ERC2: variants seen among roughly 807,000 people sequenced by gnomAD.
The protein encoded by ERC2 is ELKS/RAB6-interacting/CAST family member 2.
Under a neutral mutation model 114.8 loss-of-function variants are expected in ERC2, and 42 were observed. The ratio of observed to expected loss-of-function variants is 0.37; its 90% CI spans 0.29 to 0.47. The LOEUF (loss-of-function observed/expected upper bound fraction) is 0.47, where lower values mean the gene tolerates loss of function less well. Among genes scored for constraint, ERC2 ranks in the 20% least tolerant of loss-of-function variants. ERC2 has a pLI of 0.99. For synonymous variants in ERC2, 454 were observed against 425.5 expected (o/e 1.07, Z -0.82); for missense variants, 939 against 1,150.7 (o/e 0.82, Z 2.66).
chr3:55,902,647 C>T (rs1000132571), intron 13 of ERC2, among the ~76,000 whole-genome samples: 5 of 152,072 alleles, frequency 3.3e-5, no homozygotes, highest in African/African-American at 7.2e-5. Context: ...AGAGTAGATC[C>T]GCTAAACCTT....
At chr3:56,135,876 G>C (rs2080473692) in intron 6 of ERC2, among the ~76,000 whole-genome samples, 1 of 152,198 alleles carries the variant, frequency 6.6e-6, no homozygotes, top group Admixed American at 6.5e-5. Flanking sequence ...TACTGCTGTG[G>C]AATTCATGTG....
intron 17 of ERC2, among the ~76,000 whole-genome samples, chr3:55,644,679 A>C (rs1173735524): frequency 6.6e-6 from 1 of 152,048 alleles, no homozygotes; most frequent in African/African-American, 2.4e-5. Context: ...CTATATGATG[A>C]ATAAATAATA....
intron 13 of ERC2, among the ~76,000 whole-genome samples, chr3:55,905,758 T>C (rs930333297): frequency 1.3e-5 from 2 of 152,258 alleles, no homozygotes; most frequent in East Asian, 1.9e-4. Flanking sequence ...CCTTGTAGAA[T>C]CTGTTCTTTC....
chr3:55,536,752 T>C (rs1364490566), intron 17 of ERC2, among the ~76,000 whole-genome samples: 5 of 152,194 alleles, frequency 3.3e-5, no homozygotes, highest in Non-Finnish European at 7.3e-5. Flanking sequence ...CTTACTCAGA[T>C]ATCAAGACAA....
chr3:56,264,120 T>C lies in ERC2; in HGVS notation c.1074+31899A>G, dbSNP rs140685292. Among the ~76,000 whole-genome samples, 414 of 152,266 alleles carry C rather than the reference T, an allele frequency of 2.7e-3. 4 individuals carry two copies. The highest frequency in any genetic ancestry group is 9.3e-3 in the African/African-American group (387 of 41,552). On this transcript the variant is annotated intron_variant, in intron 3 of 17. Transcript: ENST00000288221. The stretch of plus-strand genomic sequence containing the variant: ...TTTAACATCCTTTCATGTTGAAAAT[T>C]CTCAAGAAATTAGGTTAAACAAAGT...
At chr3:56,099,665 A>C (rs1010187276) in intron 6 of ERC2, among the ~76,000 whole-genome samples, 20 of 152,202 alleles carry the variant, frequency 1.3e-4, no homozygotes, top group African/African-American at 4.3e-4. Context: ...CCAGATCCTA[A>C]AACTGTGTCC....
chr3:55,836,158 C>G (rs62251596), intron 14 of ERC2, among the ~76,000 whole-genome samples: 2,686 of 152,080 alleles, frequency 0.018, 40 homozygotes, highest in Middle Eastern at 0.031. Flanking sequence ...GAATCAATAT[C>G]GTGAAAATGG....
At chr3:56,421,092 G>T (rs2107229279) in intron 2 of ERC2, among the ~76,000 whole-genome samples, 1 of 152,260 alleles carries the variant, frequency 6.6e-6, no homozygotes, top group South Asian at 2.1e-4. Context: ...CACAATGTAG[G>T]TAGGGAGTGA....
intron 7 of ERC2, among the ~76,000 whole-genome samples, chr3:56,055,263 G>C (rs1314864087): frequency 6.6e-6 from 1 of 152,202 alleles, no homozygotes; most frequent in Non-Finnish European, 1.5e-5. Flanking sequence ...TTCTAGCTGG[G>C]ATGGCAGTAT....
At chr3:55,815,192 C>A (rs2059863810) in intron 14 of ERC2, among the ~76,000 whole-genome samples, 1 of 148,062 alleles carries the variant, frequency 6.8e-6, no homozygotes, top group South Asian at 2.2e-4. Context: ...ACCAAAGATG[C>A]CCATTTAGAA....
At position 55,565,893 on chromosome 3, in the gene ERC2, G is replaced by A. The variant is rs1043091140; in HGVS notation, c.*40-54617C>T. Among the ~76,000 whole-genome samples, 5 of 152,198 alleles carry A rather than the reference G, an allele frequency of 3.3e-5. No individual in the cohort carries two copies. The South Asian group carries it at 6.2e-4, about 19-fold the overall frequency. ...ATTCAATAGCAACTGAAAGCAGGGCGAGTCAAAAGTCTTTTGCTGCTAAGT... is the reference window on the plus strand; with the variant it reads ...ATTCAATAGCAACTGAAAGCAGGGCAAGTCAAAAGTCTTTTGCTGCTAAGT... On this transcript the variant is annotated intron_variant, in intron 17 of 17. Coordinates refer to ENST00000288221, the MANE Select transcript of ERC2 (RefSeq NM_015576.3).
Position 56,326,258 on chromosome 3 carries a change from G to A in ERC2, c.658-29823C>T, listed in dbSNP as rs376168746. 2.0e-4 allele frequency among the ~76,000 whole-genome samples: 31 copies of A among 152,326 alleles called. No homozygotes were observed. In the South Asian group the frequency reaches 6.2e-3, roughly 30 times the overall value. On this transcript the variant is annotated intron_variant, in intron 2 of 17. Transcript: ENST00000288221. ...GTCCAAGTTCTGAGGAAGCACAGTG[G>A]ACACACAGGAAGAGTGCGGAAAGCA...
At chr3:55,962,356 T>G (rs2068445311) in intron 12 of ERC2, among the ~76,000 whole-genome samples, 1 of 152,246 alleles carries the variant, frequency 6.6e-6, no homozygotes, top group African/African-American at 2.4e-5. Flanking sequence ...CTGTCAAAAC[T>G]ACTTAACTTT....
chr3:56,139,702 G>GA, intron 5 of ERC2, 26 bp from the exon 6 acceptor site: 1 of 1,563,404 alleles, frequency 6.4e-7, no homozygotes, highest in Non-Finnish European at 8.7e-7. Flanking sequence ...AAAATTGCAA[G>GA]AAATTAGAAA....
intron 3 of ERC2, among the ~76,000 whole-genome samples, chr3:56,199,968 A>G (rs1425453378): frequency 6.6e-6 from 1 of 152,164 alleles, no homozygotes; most frequent in African/African-American, 2.4e-5. Flanking sequence ...GCTTTGAAAT[A>G]TAATTGGAGG....
intron 13 of ERC2, among the ~76,000 whole-genome samples, chr3:55,890,863 C>T (rs533949756): frequency 6.6e-6 from 1 of 152,318 alleles, no homozygotes; most frequent in South Asian, 2.1e-4. Context: ...GGGCACTGGC[C>T]TCAGAACACA....
chr3:55,730,870 G>A (rs756032612), intron 15 of ERC2, among the ~76,000 whole-genome samples: 22 of 152,166 alleles, frequency 1.4e-4, no homozygotes, highest in Non-Finnish European at 3.1e-4. Flanking sequence ...GCAGTCTGAA[G>A]AGGGTGGCAT....
chr3:55,526,035 G>A (rs2053290313), intron 17 of ERC2, among the ~76,000 whole-genome samples: 1 of 152,200 alleles, frequency 6.6e-6, no homozygotes, highest in Non-Finnish European at 1.5e-5. Flanking sequence ...AATGACTGGT[G>A]TTCTTAGAAG....
intron 14 of ERC2, among the ~76,000 whole-genome samples, chr3:55,754,207 A>C (rs987938803): frequency 6.6e-6 from 1 of 152,110 alleles, no homozygotes; most frequent in East Asian, 1.9e-4. Context: ...CTATTTAAAA[A>C]ACCAGGAGAG....
Sources: allele counts gnomAD v4.1 joint callset (sites outside exome capture counted in the v4.1 genomes callset), GRCh38; gene constraint gnomAD v4.1.1; transcripts MANE v1.5; gene names NCBI Gene and HGNC (gene_info 2026-07-23, HGNC 2026-07-21).